UBASH3B: variants seen among roughly 807,000 people sequenced by gnomAD.
UBASH3B encodes the protein ubiquitin-associated and SH3 domain-containing protein B.
A neutral mutation model predicts 83.4 loss-of-function variants in UBASH3B; 37 were observed. The ratio of observed to expected loss-of-function variants is 0.44; its 90% CI spans 0.34 to 0.58. UBASH3B has a LOEUF of 0.58. Among genes scored for constraint, UBASH3B ranks in the 20% least tolerant of loss-of-function variants. The pLI is 0.01. For synonymous variants in UBASH3B, 304 were observed against 318.3 expected (o/e 0.96, Z 0.48); for missense variants, 657 against 827.2 (o/e 0.79, Z 2.52).
intron 1 of UBASH3B, among the ~76,000 whole-genome samples, chr11:122,749,600 G>A (rs10790524): frequency 0.97 from 147,060 of 152,348 alleles, 71,244 homozygotes; most frequent in Middle Eastern, 1. Context: ...GGGCCTCACA[G>A]CTAGTGAACA....
chr11:122,737,508 G>T (rs1303665530), intron 1 of UBASH3B, among the ~76,000 whole-genome samples: 3 of 152,144 alleles, frequency 2.0e-5, no homozygotes, highest in Non-Finnish European at 4.4e-5. Flanking sequence ...TGTAGTACAG[G>T]CCGTGAGGTA....
intron 1 of UBASH3B, among the ~76,000 whole-genome samples, chr11:122,769,533 T>C (rs1244564915): frequency 6.6e-6 from 1 of 152,238 alleles, no homozygotes; most frequent in Admixed American, 6.5e-5. Context: ...GAGAGTCACC[T>C]GTGTGCCCTC....
At chr11:122,734,816 A>C (rs1860906289) in intron 1 of UBASH3B, among the ~76,000 whole-genome samples, 1 of 151,822 alleles carries the variant, frequency 6.6e-6, no homozygotes, top group South Asian at 2.1e-4. Context: ...AAAAAAGAAA[A>C]AGAAAAAGAA....
At chr11:122,664,287 G>T (rs988632048) in intron 1 of UBASH3B, among the ~76,000 whole-genome samples, 14 of 152,226 alleles carry the variant, frequency 9.2e-5, no homozygotes, top group Non-Finnish European at 1.3e-4. Flanking sequence ...GTACCATATG[G>T]TTGTCTTCTG....
chr11:122,801,465 C>A, intron 11 of UBASH3B, 133 bp downstream of exon 11: 1 of 1,097,722 alleles, frequency 9.1e-7, no homozygotes, highest in Non-Finnish European at 1.3e-6. Context: ...GGAAAACGAG[C>A]TATGATTTTA....
chr11:122,682,787 G>T (rs60228096), intron 1 of UBASH3B, among the ~76,000 whole-genome samples: 1,680 of 152,206 alleles, frequency 0.011, 23 homozygotes, highest in African/African-American at 0.039. Flanking sequence ...ATCCTACAGT[G>T]ATTATAAATA....
chr11:122,782,298 GT>G (rs1351009244), intron 4 of UBASH3B: 1 of 151,624 alleles, frequency 6.6e-6, no homozygotes, highest in African/African-American at 2.4e-5. Flanking sequence ...TATAGGTAGG[GT>G]TGTTTTGTTT....
chr11:122,660,277 T>G (rs552724928), intron 1 of UBASH3B, among the ~76,000 whole-genome samples: 108 of 152,156 alleles, frequency 7.1e-4, no homozygotes, highest in Admixed American at 2.4e-3. Context: ...GGTGTGTGTG[T>G]GCGTGTGCGC....
At chr11:122,704,579 G>A (rs1313854444) in intron 1 of UBASH3B, among the ~76,000 whole-genome samples, 4 of 151,720 alleles carry the variant, frequency 2.6e-5, no homozygotes, top group African/African-American at 7.3e-5. Context: ...GCGTGATCTC[G>A]GCTCACTGCA....
intron 1 of UBASH3B, among the ~76,000 whole-genome samples, chr11:122,745,677 G>A (rs1259010334): frequency 6.6e-6 from 1 of 152,116 alleles, no homozygotes; most frequent in Non-Finnish European, 1.5e-5. Context: ...AATATAAATG[G>A]ATAAGCTTCA....
chr11:122,766,092 G>A (rs1475811107), intron 1 of UBASH3B, among the ~76,000 whole-genome samples: 2 of 152,132 alleles, frequency 1.3e-5, no homozygotes, highest in Admixed American at 1.3e-4. Flanking sequence ...TAGCAGCTGT[G>A]GATACCCAGG....
intron 11 of UBASH3B, among the ~76,000 whole-genome samples, chr11:122,803,971 T>C (rs955092973): frequency 1.3e-5 from 2 of 151,958 alleles, no homozygotes; most frequent in African/African-American, 4.8e-5. Context: ...CCATCAGGAC[T>C]CCAGACACTG....
chr11:122,692,183 A>G (rs1015049950), intron 1 of UBASH3B, among the ~76,000 whole-genome samples: 2 of 152,190 alleles, frequency 1.3e-5, no homozygotes, highest in African/African-American at 2.4e-5. Context: ...ATGTTGACAG[A>G]GTGCCTGGCA....
chr11:122,762,035 G>A (rs113556074), intron 1 of UBASH3B, among the ~76,000 whole-genome samples: 10 of 151,840 alleles, frequency 6.6e-5, no homozygotes, highest in African/African-American at 1.2e-4. Flanking sequence ...CAAGTGATCC[G>A]CCCACCTCCA....
rs1369371035 is a variant in UBASH3B, at chr11:122,700,470, T to A, written c.161+44260T>A. 2.0e-5 allele frequency among the ~76,000 whole-genome samples: 3 copies of A among 151,248 alleles called. No homozygotes were observed. The East Asian group carries it at 5.8e-4, about 29-fold the overall frequency. On this transcript the variant is annotated intron_variant, in intron 1 of 13. Coordinates refer to ENST00000284273, the MANE Select transcript of UBASH3B (RefSeq NM_032873.5). Reference sequence around the variant, plus strand: ...AATGTAAATGTTCATATGTTCATCTTACTCACTCTCATAGTTTACTTCTGA... The same window carrying A: ...AATGTAAATGTTCATATGTTCATCTAACTCACTCTCATAGTTTACTTCTGA...
In UBASH3B at chr11:122,794,719, A is replaced by G. The variant is rs1252189170; in HGVS notation, c.998A>G (p.Asn333Ser). The G allele has an allele frequency of 4.3e-6, 7 of 1,613,942 alleles. No homozygotes were observed. In the South Asian group the frequency reaches 4.4e-5, roughly 10 times the overall value. Residue 333 changes from asparagine to serine, a missense_variant, in exon 7 of 14, where the codon AAT becomes AGT. Coordinates refer to ENST00000284273, the MANE Select transcript of UBASH3B (RefSeq NM_032873.5). ...WIFHGSYSIL[N>S]TSSSNSLTFG... ...CTCTGCAGTTCTTATTCAATCTTAA[A>G]TACATCGTCATCCAACTCTCTCACG... is the stretch of plus-strand genomic sequence containing the variant.
At chr11:122,765,663 C>A (rs919178351) in intron 1 of UBASH3B, among the ~76,000 whole-genome samples, 3 of 152,212 alleles carry the variant, frequency 2.0e-5, no homozygotes, top group African/African-American at 7.2e-5. Flanking sequence ...ACCACTCTGG[C>A]AACCACCGCC....
chr11:122,741,916 T>C (rs1861032431), intron 1 of UBASH3B, among the ~76,000 whole-genome samples: 1 of 152,188 alleles, frequency 6.6e-6, no homozygotes, highest in South Asian at 2.1e-4. Context: ...CCAACCCCGC[T>C]AGGAGGACTC....
chr11:122,797,879 T>G (rs904310878), intron 9 of UBASH3B, among the ~76,000 whole-genome samples: 1 of 151,876 alleles, frequency 6.6e-6, no homozygotes, highest in Admixed American at 6.6e-5. Flanking sequence ...GTGTCTAGAG[T>G]ATAAATTGTG....
Sources: allele counts gnomAD v4.1 joint callset (sites outside exome capture counted in the v4.1 genomes callset), GRCh38; gene constraint gnomAD v4.1.1; transcripts MANE v1.5; gene names NCBI Gene and HGNC (gene_info 2026-07-23, HGNC 2026-07-21).